Variants in MED14 observed in about 807,000 individuals in gnomAD.
The protein encoded by MED14 is mediator of RNA polymerase II transcription subunit 14.
MED14 carries 8 observed loss-of-function variants against 109.0 expected under a neutral mutation model. The observed-to-expected ratio is 0.07, with a 90% CI of 0.04 to 0.13. MED14 has a LOEUF of 0.13. MED14 is among the 10% of genes least tolerant of loss of function. The pLI, the probability that MED14 is intolerant of heterozygous loss-of-function variation, is 1.00. For missense variants in MED14, 711 were observed against 1,142.4 expected, an observed-to-expected ratio of 0.62 and a Z score of 5.44; for synonymous variants, 399 against 408.7, an observed-to-expected ratio of 0.98 and a Z score of 0.29.
At position 40,712,306 on chromosome X, in the gene MED14, GAAGAA is replaced by G; in HGVS notation, c.782-18_782-14del. On this transcript the variant is annotated splice_polypyrimidine_tract_variant and intron_variant, in intron 6 of 30. Coordinates refer to ENST00000324817, the MANE Select transcript of MED14 (RefSeq NM_004229.4). ...AAAGCTCGCCCATCTTCCGTTGGCA[GAAGAA>G]AAGAAAGCAGTTAATTAAATAGGTG... 8.7e-7 allele frequency: 1 copy of G among 1,154,721 alleles called. No homozygotes were observed. The highest frequency in any genetic ancestry group is 1.9e-5 in the South Asian group (1 of 53,405).
intron 28 of MED14, among the ~76,000 whole-genome samples, chrX:40,657,650 C>T (rs1929102212): frequency 1.8e-5 from 2 of 111,859 alleles, no homozygotes; most frequent in Non-Finnish European, 3.8e-5. Context: ...AAAACGAACA[C>T]GAATGCAGAC....
intron 11 of MED14, 102 bp downstream of exon 11, chrX:40,703,342 A>G: frequency 1.4e-6 from 1 of 723,639 alleles, no homozygotes; most frequent in Non-Finnish European, 2.1e-6. Flanking sequence ...TCAACACTGC[A>G]TATACCATTC....
At position 40,664,344 on chromosome X, in the gene MED14, C is replaced by T. The variant is rs767967892; in HGVS notation, c.3411G>A (p.Pro1137=). 56 of 1,202,465 alleles carry T rather than the reference C, an allele frequency of 4.7e-5. No homozygotes were observed. The highest frequency in any genetic ancestry group is 6.0e-5 in the Non-Finnish European group (54 of 892,597). The change falls in exon 25 of 31, where the codon CCG becomes CCA. Residue 1137 remains proline, a synonymous_variant. Coordinates refer to ENST00000324817, the MANE Select transcript of MED14 (RefSeq NM_004229.4). ...GAGGGGAATGAGAAGCATCTGGAAC[C>T]GGAGAATGTAGTGAGGGGTTGGCTG... is the stretch of plus-strand genomic sequence containing the variant. The part of the protein sequence containing the change: ...MSPANPSLHS[P]VPDASHSPRA...
chrX:40,704,892 T>C (rs79506960), intron 10 of MED14, among the ~76,000 whole-genome samples: 1 of 111,577 alleles, frequency 9.0e-6, no homozygotes, highest in Admixed American at 9.5e-5. Flanking sequence ...CATTTTGGAT[T>C]TCGGATTTTC....
Position 40,726,847 on chromosome X carries a change from T to C in MED14, c.247A>G (p.Ile83Val). ...LPRKSDVERK[I>V]EIVQFASRTR... ...CGGCTAGCAAACTGCACTATTTCTA[T>C]TTTCCTATAAAATAAAACAACTCTT... is the stretch of plus-strand genomic sequence containing the variant. Residue 83 changes from isoleucine (I) to valine (V), a missense_variant, in exon 3 of 31, where the codon ATA becomes GTA. This residue lies in a region of MED14 where 31 missense variants were observed against 79.3 expected (regional missense o/e 0.39). Transcript: ENST00000324817. 1 of 1,197,408 alleles carries C rather than the reference T, an allele frequency of 8.4e-7. No individual in the cohort carries two copies. Among genetic ancestry groups the C allele is most frequent in the Non-Finnish European group, 1.1e-6 (1 of 886,643 alleles).
chrX:40,659,576 A>G lies in MED14; in HGVS notation c.3716T>C (p.Val1239Ala), dbSNP rs1303442923. ...LQLINSNEPGVIMFKTDALKC... is the reference protein window; with the variant it reads ...LQLINSNEPGAIMFKTDALKC... Reference sequence around the variant, plus strand: ...CAGTGCATCAGTCTTAAACATGATCACTCCGGGTTCATTAGAATTTATCAG... The same window carrying G: ...CAGTGCATCAGTCTTAAACATGATCGCTCCGGGTTCATTAGAATTTATCAG... The change falls in exon 27 of 31, where the codon GTG (valine) becomes GCG (alanine). Residue 1239 changes from valine to alanine, a missense_variant. Transcript: ENST00000324817. The G allele has an allele frequency of 1.7e-6, 2 of 1,205,998 alleles. No homozygotes were observed. Among genetic ancestry groups the G allele is most frequent in the East Asian group, 3.0e-5 (1 of 33,762 alleles).
chrX:40,710,925 A>G (rs1931316470), intron 8 of MED14, among the ~76,000 whole-genome samples: 1 of 111,267 alleles, frequency 9.0e-6, no homozygotes, highest in South Asian at 3.8e-4. Flanking sequence ...ACCAAAATCC[A>G]CGCAAACTCA....
rs772158166 is a variant in MED14 at position 40,651,610 on chromosome X, CTATACAAGTTCAT to C, written c.*183_*195del. On this transcript the variant is annotated 3_prime_UTR_variant, in exon 31 of 31. Coordinates refer to ENST00000324817, the MANE Select transcript of MED14 (RefSeq NM_004229.4). ...TTGAAATGTGTCCCATTTAAACACA[CTATACAAGTTCAT>C]TATACAAAAGATGGATGATCATTTT... is the stretch of plus-strand genomic sequence containing the variant. 79 of 1,014,651 alleles carry C rather than the reference CTATACAAGTTCAT, an allele frequency of 7.8e-5. No individual in the cohort carries two copies. Among genetic ancestry groups the C allele is most frequent in the Non-Finnish European group, 9.8e-5 (78 of 797,590 alleles). The allele number at this position is 1,014,651 out of a possible 1,213,427, so 83.6% of individuals were successfully genotyped here.
intron 16 of MED14, among the ~76,000 whole-genome samples, chrX:40,683,476 C>T (rs910391657): frequency 8.9e-6 from 1 of 112,035 alleles, no homozygotes; most frequent in Non-Finnish European, 1.9e-5. Flanking sequence ...GAAGAATTAC[C>T]TTATGTGTCA....
Position 40,679,857 on chromosome X carries a change from C to T in MED14, c.2880+7G>A, listed in dbSNP as rs1487222193. ...TTTACTCATGTTATAACACTAAAGT[C>T]TGTTACCTTTAGTCCTGGTGCAGGA... is the stretch of plus-strand genomic sequence containing the variant. On this transcript the variant is annotated splice_region_variant and intron_variant, in intron 21 of 30. Coordinates refer to ENST00000324817, the MANE Select transcript of MED14 (RefSeq NM_004229.4). 1 of 1,206,288 alleles carries T rather than the reference C, an allele frequency of 8.3e-7. No individual in the cohort carries two copies. The highest frequency in any genetic ancestry group is 3.0e-5 in the East Asian group (1 of 33,824).
intron 10 of MED14, among the ~76,000 whole-genome samples, chrX:40,704,759 TTA>T (rs1931075242): frequency 8.9e-6 from 1 of 111,922 alleles, no homozygotes; most frequent in Non-Finnish European, 1.9e-5. Flanking sequence ...ACATATTTAA[TTA>T]GAGAGAAATA....
rs142975185 is a variant in MED14, at chrX:40,700,282, G to C, written c.1490+883C>G. Among the ~76,000 whole-genome samples the C allele has an allele frequency of 3.8e-3, 398 of 104,933 alleles. 4 individuals carry two copies. The highest frequency in any genetic ancestry group is 0.013 in the African/African-American group (381 of 28,592). The allele number at this position is 104,933 out of a possible 115,157, so 91.1% of individuals were successfully genotyped here. On this transcript the variant is annotated intron_variant, in intron 12 of 30. Transcript: ENST00000324817. ...GAAGTAGAAGAATCGCTTGAGCCTG[G>C]GAGGCAGAGGTTGCAGTGAGCTGAG...
chrX:40,699,290 G>A (rs1930835385), intron 12 of MED14, among the ~76,000 whole-genome samples: 1 of 112,324 alleles, frequency 8.9e-6, no homozygotes. Context: ...TGGGGTGATG[G>A]AAATGTCCTA....
rs929827317 is a variant in MED14 at position 40,649,251 on chromosome X, G to T, written c.*2555C>A. ...GTTAATTAGAACACAGTTATTAGTG[G>T]TTCTTAAATTCAAAGTCATATAAAT... is the stretch of plus-strand genomic sequence containing the variant. On this transcript the variant is annotated 3_prime_UTR_variant, in exon 31 of 31. Transcript: ENST00000324817. 1 of 125,874 alleles carries T rather than the reference G, an allele frequency of 7.9e-6. No homozygotes were observed. Among genetic ancestry groups the T allele is most frequent in the African/African-American group, 3.2e-5 (1 of 30,928 alleles). 10.4% of individuals were successfully genotyped at this position (125,874 alleles called of 1,213,427 possible).
At chrX:40,675,425 A>G (rs778377508) in intron 21 of MED14, 64 bp from the exon 22 acceptor site, 2 of 831,987 alleles carry the variant, frequency 2.4e-6, no homozygotes, top group Non-Finnish European at 3.2e-6. Flanking sequence ...AATATTTTAA[A>G]TTATTTAGAA....
At chrX:40,731,434 G>A (rs1400552202) in intron 1 of MED14, among the ~76,000 whole-genome samples, 1 of 111,041 alleles carries the variant, frequency 9.0e-6, no homozygotes, top group Admixed American at 9.6e-5. Context: ...CAGTTTTTAG[G>A]GAAAATACAC....
intron 1 of MED14, among the ~76,000 whole-genome samples, chrX:40,733,238 T>C (rs1166744029): frequency 9.2e-6 from 1 of 108,715 alleles, no homozygotes; most frequent in African/African-American, 3.4e-5. Flanking sequence ...TCCTCCCACC[T>C]CCACCTTCCA....
chrX:40,680,598 T>G (rs758932282), intron 20 of MED14, among the ~76,000 whole-genome samples, 160 bp downstream of exon 20: 1 of 111,517 alleles, frequency 9.0e-6, no homozygotes, highest in Non-Finnish European at 1.9e-5. Context: ...TTTGTATTTT[T>G]GTAGAGACAG....
At position 40,651,355 on chromosome X, in the gene MED14, A is replaced by T. The variant is rs1378892280; in HGVS notation, c.*451T>A. ...AACTCCCAGAACATTTCATGTAAGG[A>T]TTCAAAGCGGTCATATTAAAATACA... is the stretch of plus-strand genomic sequence containing the variant. On this transcript the variant is annotated 3_prime_UTR_variant, in exon 31 of 31. Coordinates refer to ENST00000324817, the MANE Select transcript of MED14 (RefSeq NM_004229.4). 5.3e-6 allele frequency: 4 copies of T among 748,964 alleles called. No individual in the cohort carries two copies. The highest frequency in any genetic ancestry group is 6.3e-6 in the Non-Finnish European group (4 of 635,473). The allele number at this position is 748,964 out of a possible 1,213,427, so 61.7% of individuals were successfully genotyped here. A position where few individuals can be genotyped will look rare whatever the true frequency, so the allele number is the denominator to read the frequency against.
Sources: allele counts gnomAD v4.1 joint callset (sites outside exome capture counted in the v4.1 genomes callset), GRCh38; gene constraint gnomAD v4.1.1; regional missense constraint gnomAD v4.1.1; transcripts MANE v1.5; gene names NCBI Gene and HGNC (gene_info 2026-07-23, HGNC 2026-07-21).